AK9: variants seen among roughly 807,000 people sequenced by gnomAD.
The protein encoded by AK9 is adenylate kinase domain containing 1.
Under a neutral mutation model 239.6 loss-of-function variants are expected in AK9, and 191 were observed. The ratio of observed to expected loss-of-function variants is 0.80; its 90% CI spans 0.71 to 0.90. The LOEUF is 0.90. Among genes scored for constraint, AK9 ranks in the 40% least tolerant of loss-of-function variants. The probability of loss-of-function intolerance (pLI) is 0.00; values close to 1 mark genes in which losing one functional copy is unlikely to be tolerated. For missense variants in AK9, 1,995 were observed against 2,214.7 expected (o/e 0.90, Z 1.99); for synonymous variants, 689 against 721.0 (o/e 0.96, Z 0.71).
intron 8 of AK9, 103 bp from the exon 9 acceptor site, chr6:109,644,791 G>T: frequency 2.0e-6 from 2 of 975,962 alleles, no homozygotes; most frequent in Non-Finnish European, 1.5e-6. Flanking sequence ...AAAGTAAATT[G>T]TTTGCCTTAT....
rs58016161 is a variant in AK9, at chr6:109,685,657, C to CCAT, written c.-12+5487_-12+5489dup. ...ATGGGTTGATGGGTGCAGCAAACCA[C>CCAT]CATGGCATATGTATACCTATGTAAC... On this transcript the variant is annotated intron_variant, in intron 1 of 40. Coordinates refer to ENST00000424296, the MANE Select transcript of AK9 (RefSeq NM_001145128.3). Among the ~76,000 whole-genome samples the CCAT allele has an allele frequency of 6.0e-3, 920 of 152,094 alleles. 12 individuals carry two copies. Among genetic ancestry groups the CCAT allele is most frequent in the African/African-American group, 0.021 (874 of 41,452 alleles).
intron 8 of AK9, among the ~76,000 whole-genome samples, chr6:109,654,344 T>C (rs1285065685): frequency 3.3e-5 from 5 of 151,818 alleles, no homozygotes; most frequent in Non-Finnish European, 5.9e-5. Flanking sequence ...TATATATATT[T>C]TTTTTCTTTT....
chr6:109,604,465 C>A (rs73519228), intron 17 of AK9, among the ~76,000 whole-genome samples: 4,648 of 152,210 alleles, frequency 0.031, 248 homozygotes, highest in African/African-American at 0.11. Flanking sequence ...TTAATCTTAT[C>A]AACACCATTA....
chr6:109,511,502 C>A (rs1480633337), intron 32 of AK9, among the ~76,000 whole-genome samples: 1 of 152,176 alleles, frequency 6.6e-6, no homozygotes, highest in African/African-American at 2.4e-5. Context: ...GATGTTGCCA[C>A]TGGCTGAAAG....
chr6:109,649,163 T>C (rs934951337), intron 8 of AK9, among the ~76,000 whole-genome samples: 10 of 152,128 alleles, frequency 6.6e-5, no homozygotes, highest in Non-Finnish European at 1.5e-4. Context: ...CTGGAAGCAT[T>C]CCCTTTGAAA....
At chr6:109,569,964 T>C (rs1787173494) in intron 21 of AK9, among the ~76,000 whole-genome samples, 1 of 152,184 alleles carries the variant, frequency 6.6e-6, no homozygotes, top group Non-Finnish European at 1.5e-5. Context: ...CATGCTGCTA[T>C]AAAGACACAT....
chr6:109,574,883 C>T (rs62436144), intron 20 of AK9, among the ~76,000 whole-genome samples: 206 of 152,142 alleles, frequency 1.4e-3, no homozygotes, highest in Admixed American at 3.0e-3. Context: ...TGCAAATTCC[C>T]GAAGTCTATT....
intron 31 of AK9, 45 bp from the exon 32 acceptor site, chr6:109,514,482 T>C: frequency 6.9e-7 from 1 of 1,440,514 alleles, no homozygotes; most frequent in South Asian, 1.4e-5. Flanking sequence ...TTTGAATTTT[T>C]ACAGCACTTC....
intron 26 of AK9, among the ~76,000 whole-genome samples, chr6:109,543,856 C>T (rs972712888): frequency 3.9e-5 from 6 of 152,042 alleles, no homozygotes; most frequent in African/African-American, 9.7e-5. Flanking sequence ...AGGTGGCTCA[C>T]GCCTGTAATC....
chr6:109,582,515 T>A (rs924322047), intron 19 of AK9, among the ~76,000 whole-genome samples: 5 of 152,138 alleles, frequency 3.3e-5, no homozygotes, highest in African/African-American at 1.2e-4. Flanking sequence ...AGCAAGATAA[T>A]TAGAATTAGA....
At chr6:109,644,740 AATACAAG>A (rs1797834604) in intron 8 of AK9, 52 bp from the exon 9 acceptor site, 2 of 1,463,178 alleles carry the variant, frequency 1.4e-6, no homozygotes, top group Admixed American at 3.6e-5. Context: ...AGAAAAACTG[AATACAAG>A]ATCAGAATCT....
intron 29 of AK9, among the ~76,000 whole-genome samples, chr6:109,524,446 C>T (rs1337491246): frequency 1.3e-5 from 2 of 152,040 alleles, no homozygotes; most frequent in African/African-American, 4.8e-5. Flanking sequence ...GTGAAAGACA[C>T]AAATTTACAG....
chr6:109,502,850 A>T (rs1422423339), intron 35 of AK9, among the ~76,000 whole-genome samples: 3 of 152,132 alleles, frequency 2.0e-5, no homozygotes, highest in Non-Finnish European at 4.4e-5. Flanking sequence ...GCTCTTTCCC[A>T]GTTGAGCCTT....
chr6:109,507,544 A>G (rs1034890816), intron 33 of AK9, among the ~76,000 whole-genome samples: 4 of 151,798 alleles, frequency 2.6e-5, no homozygotes, highest in African/African-American at 4.8e-5. Context: ...AGATAATGAG[A>G]TTGTCACTAT....
At chr6:109,510,228 C>A (rs1159979068) in intron 32 of AK9, among the ~76,000 whole-genome samples, 1 of 152,074 alleles carries the variant, frequency 6.6e-6, no homozygotes, top group East Asian at 1.9e-4. Context: ...CCTCTGAGGT[C>A]TATAAAAGCC....
chr6:109,611,069 C>A (rs1793524603), intron 16 of AK9, among the ~76,000 whole-genome samples: 1 of 152,102 alleles, frequency 6.6e-6, no homozygotes, highest in Admixed American at 6.6e-5. Context: ...AATGTTTGTT[C>A]ATCTGCTACT....
chr6:109,497,326 T>TCACACACACACACA (rs141968479), intron 38 of AK9, 139 bp downstream of exon 38: 38 of 421,786 alleles, frequency 9.0e-5, no homozygotes, highest in African/African-American at 8.4e-4. Context: ...CAGTGCTTGT[T>TCACACACACACACA]CACACACACA....
intron 21 of AK9, among the ~76,000 whole-genome samples, chr6:109,569,334 C>A (rs913690003): frequency 2.0e-5 from 3 of 151,910 alleles, no homozygotes; most frequent in Non-Finnish European, 4.4e-5. Context: ...ACCCTAGAAA[C>A]AAACCTAGGC....
intron 24 of AK9, among the ~76,000 whole-genome samples, chr6:109,557,876 G>A (rs1785211047): frequency 6.6e-6 from 1 of 152,190 alleles, no homozygotes; most frequent in South Asian, 2.1e-4. Context: ...AAGAGTTCAA[G>A]TTATTCTGCA....
Sources: gnomAD v4.1 joint callset for allele counts (sites outside exome capture counted in the v4.1 genomes callset) on GRCh38, gnomAD v4.1.1 for gene constraint, MANE v1.5 for transcripts, NCBI Gene and HGNC (gene_info 2026-07-23, HGNC 2026-07-21) for gene names.